EVC2: variants seen among roughly 807,000 people sequenced by gnomAD.
EVC2 encodes the protein limbin.
A neutral mutation model predicts 149.3 loss-of-function variants in EVC2; 148 were observed. The ratio of observed to expected loss-of-function variants is 0.99; its 90% CI spans 0.87 to 1.14. The LOEUF is 1.14. Ranked by LOEUF, EVC2 falls within the 50% of genes most tolerant of loss-of-function variation. The pLI is 0.00. For missense variants in EVC2, 1,854 were observed against 1,627.3 expected (o/e 1.14, Z -2.40); for synonymous variants, 776 against 649.9 (o/e 1.19, Z -2.95).
intron 8 of EVC2, 149 bp downstream of exon 8, chr4:5,665,366 A>T: frequency 9.0e-7 from 1 of 1,116,894 alleles, no homozygotes; most frequent in South Asian, 1.4e-5. Context: ...GACAAACAGC[A>T]GTTTTGGAGG....
intron 7 of EVC2, among the ~76,000 whole-genome samples, chr4:5,676,396 T>C (rs554758607): frequency 1.3e-5 from 2 of 152,318 alleles, no homozygotes; most frequent in Admixed American, 6.5e-5. Flanking sequence ...CATCTTTACC[T>C]TGTATTTTTA....
At chr4:5,599,155 C>G (rs971979362) in intron 16 of EVC2, among the ~76,000 whole-genome samples, 1 of 151,780 alleles carries the variant, frequency 6.6e-6, no homozygotes, top group Non-Finnish European at 1.5e-5. Flanking sequence ...TTGTGCAAGT[C>G]AGTGTGGCGA....
intron 1 of EVC2, among the ~76,000 whole-genome samples, chr4:5,700,352 T>C (rs111233862): frequency 0.073 from 11,022 of 152,000 alleles, 537 homozygotes; most frequent in Non-Finnish European, 0.11. Flanking sequence ...ATCCATTGGA[T>C]GGTGCACCGA....
chr4:5,583,787 AT>A (rs1316488457), intron 17 of EVC2, among the ~76,000 whole-genome samples: 6 of 151,320 alleles, frequency 4.0e-5, no homozygotes, highest in Admixed American at 2.6e-4. Flanking sequence ...TCAAAAAAAA[AT>A]CTCTTCACTT....
intron 9 of EVC2, among the ~76,000 whole-genome samples, chr4:5,658,818 C>T (rs1321229719): frequency 1.3e-5 from 2 of 152,192 alleles, no homozygotes; most frequent in East Asian, 1.9e-4. Flanking sequence ...TAAATAAGAT[C>T]GCAGGCGAGA....
At chr4:5,687,276 A>C (rs1251130864) in intron 5 of EVC2, among the ~76,000 whole-genome samples, 1 of 152,116 alleles carries the variant, frequency 6.6e-6, no homozygotes, top group Non-Finnish European at 1.5e-5. Flanking sequence ...AGAAAAGAAA[A>C]GAAAAGAAAA....
Position 5,631,573 on chromosome 4 carries a change from G to GGT in EVC2, c.1710+219_1710+220insAC, listed in dbSNP as rs1035777992. ...TCAAGTTCACGCAGTAGACTGGGGG[G>GGT]GGGAACTGAAATTCCAATCCAGGTC... On this transcript the variant is annotated intron_variant, in intron 11 of 21. Coordinates refer to ENST00000344408, the MANE Select transcript of EVC2 (RefSeq NM_147127.5). 2.7e-5 allele frequency among the ~76,000 whole-genome samples: 4 copies of GGT among 150,652 alleles called. No homozygotes were observed. In the East Asian group the frequency reaches 5.9e-4, roughly 22 times the overall value.
chr4:5,610,425 A>C (rs1714723267), intron 16 of EVC2, among the ~76,000 whole-genome samples: 1 of 152,150 alleles, frequency 6.6e-6, no homozygotes. Flanking sequence ...ACAAAAACGA[A>C]ATCTAAATCA....
At chr4:5,638,280 T>A (rs562665901) in intron 10 of EVC2, among the ~76,000 whole-genome samples, 23 of 151,886 alleles carry the variant, frequency 1.5e-4, no homozygotes, top group African/African-American at 5.3e-4. Context: ...TCCCAGCTAC[T>A]CGGGAGGCTG....
intron 9 of EVC2, among the ~76,000 whole-genome samples, chr4:5,642,594 T>G (rs1332122890): frequency 6.6e-6 from 1 of 152,216 alleles, no homozygotes; most frequent in Non-Finnish European, 1.5e-5. Context: ...CTCACAATAA[T>G]TTCCTCAGTA....
chr4:5,530,211 T>C, the EVC2 span, among the ~76,000 whole-genome samples: 1 of 152,194 alleles, frequency 6.6e-6, no homozygotes, highest in African/African-American at 2.4e-5. Flanking sequence ...GGCACTCGGA[T>C]GGATGCCAGG....
At chr4:5,573,447 G>A (rs1322373497) in intron 19 of EVC2, among the ~76,000 whole-genome samples, 1 of 152,164 alleles carries the variant, frequency 6.6e-6, no homozygotes, top group East Asian at 1.9e-4. Flanking sequence ...AGGAGGCCAT[G>A]AGCCAAGGAA....
Position 5,613,336 on chromosome 4 carries a change from C to T in EVC2, c.2829+2086G>A, listed in dbSNP as rs1178438854. Reference sequence around the variant, plus strand: ...CCATTCCCTCTGCCAAACCAAACCCCAGCTTTCCCTTCACAAGCAGCTCTT... The same window carrying T: ...CCATTCCCTCTGCCAAACCAAACCCTAGCTTTCCCTTCACAAGCAGCTCTT... On this transcript the variant is annotated intron_variant, in intron 16 of 21. Coordinates refer to ENST00000344408, the MANE Select transcript of EVC2 (RefSeq NM_147127.5). This position sits in a 1 kb window ranked among gnomAD's most constrained non-coding sequence, Gnocchi z 4.6. Among the ~76,000 whole-genome samples, 1 of 152,164 alleles carries T rather than the reference C, an allele frequency of 6.6e-6. No individual in the cohort carries two copies. The highest frequency in any genetic ancestry group is 1.5e-5 in the Non-Finnish European group (1 of 68,032).
rs950304475 is a variant in EVC2 at position 5,677,591 on chromosome 4, A to G, written c.870+3669T>C. On this transcript the variant is annotated intron_variant, in intron 7 of 21. Coordinates refer to ENST00000344408, the MANE Select transcript of EVC2 (RefSeq NM_147127.5). The surrounding 1 kb of genome is among the most constrained non-coding windows in gnomAD (Gnocchi z 4.3). ...ACCTCGGCATGGCTCAATTCCATCC[A>G]TAAGTGAGCCTGCGGCATCGGGGAA... Among the ~76,000 whole-genome samples, 2 of 152,242 alleles carry G rather than the reference A, an allele frequency of 1.3e-5. No homozygotes were observed. Among genetic ancestry groups the G allele is most frequent in the African/African-American group, 2.4e-5 (1 of 41,464 alleles).
At chr4:5,537,189 G>T in the EVC2 span, among the ~76,000 whole-genome samples, 1 of 152,210 alleles carries the variant, frequency 6.6e-6, no homozygotes. Flanking sequence ...CACTGCTGCA[G>T]GGAAGGGAAC....
intron 3 of EVC2, among the ~76,000 whole-genome samples, chr4:5,694,052 G>A (rs374668909): frequency 6.6e-6 from 1 of 152,164 alleles, no homozygotes; most frequent in Non-Finnish European, 1.5e-5. Flanking sequence ...GCAGTCACTC[G>A]GTCTGGTTAA....
chr4:5,631,574 G>GGC lies in EVC2; in HGVS notation c.1710+218_1710+219insGC, dbSNP rs1227106715. ...CAAGTTCACGCAGTAGACTGGGGGG[G>GGC]GGAACTGAAATTCCAATCCAGGTCA... is the stretch of plus-strand genomic sequence containing the variant. On this transcript the variant is annotated intron_variant, in intron 11 of 21. Coordinates refer to ENST00000344408, the MANE Select transcript of EVC2 (RefSeq NM_147127.5). 1.3e-4 allele frequency among the ~76,000 whole-genome samples: 20 copies of GGC among 151,582 alleles called. No individual in the cohort carries two copies. The East Asian group carries it at 4.0e-3, about 30-fold the overall frequency.
At chr4:5,626,026 C>T (rs182929739) in intron 12 of EVC2, 118 bp from the exon 13 acceptor site, 4 of 1,265,172 alleles carry the variant, frequency 3.2e-6, no homozygotes, top group East Asian at 4.7e-5. Flanking sequence ...AAAATCTTTA[C>T]CCTCCAGAAG....
intron 1 of EVC2, among the ~76,000 whole-genome samples, chr4:5,702,771 G>T (rs1721903441): frequency 6.6e-6 from 1 of 152,196 alleles, no homozygotes; most frequent in South Asian, 2.1e-4. Flanking sequence ...CTTTCTTGTA[G>T]AGCCTAGACA....
Sources: gnomAD v4.1 joint callset for allele counts (sites outside exome capture counted in the v4.1 genomes callset) on GRCh38, gnomAD v4.1.1 for gene constraint, Gnocchi (gnomAD v3.1) non-coding constraint, MANE v1.5 for transcripts, NCBI Gene and HGNC (gene_info 2026-07-23, HGNC 2026-07-21) for gene names.